The following PTPRR variants were observed in gnomAD, a reference collection of about 807,000 sequenced individuals.
The protein encoded by PTPRR is receptor-type tyrosine-protein phosphatase R.
In PTPRR, 38 loss-of-function variants were observed where a neutral mutation model predicts 77.2. The ratio of observed to expected loss-of-function variants is 0.49; its 90% CI spans 0.38 to 0.65. The LOEUF is 0.65. Among genes scored for constraint, PTPRR ranks in the 30% least tolerant of loss-of-function variants. The probability of loss-of-function intolerance (pLI) is 0.00; values close to 1 mark genes in which losing one functional copy is unlikely to be tolerated. For synonymous variants in PTPRR, 299 were observed against 283.1 expected (o/e 1.06, Z -0.57); for missense variants, 744 against 799.2 (o/e 0.93, Z 0.83).
intron 8 of PTPRR, among the ~76,000 whole-genome samples, chr12:70,694,702 C>T (rs1259107553): frequency 6.6e-6 from 1 of 152,074 alleles, no homozygotes; most frequent in African/African-American, 2.4e-5. Flanking sequence ...CTATTGGGTA[C>T]TATGTTCACT....
intron 10 of PTPRR, among the ~76,000 whole-genome samples, chr12:70,664,138 A>G (rs1886894361): frequency 6.6e-6 from 1 of 152,220 alleles, no homozygotes; most frequent in African/African-American, 2.4e-5. Flanking sequence ...TTCTAAATGA[A>G]GTAAATTGTT....
intron 2 of PTPRR, among the ~76,000 whole-genome samples, chr12:70,856,887 C>T (rs1337338109): frequency 6.6e-6 from 1 of 151,680 alleles, no homozygotes; most frequent in Non-Finnish European, 1.5e-5. Context: ...ACTTGGTACT[C>T]TATATGCCTA....
intron 10 of PTPRR, among the ~76,000 whole-genome samples, chr12:70,679,470 C>A (rs540923639): frequency 2.6e-5 from 4 of 152,240 alleles, no homozygotes; most frequent in South Asian, 4.2e-4. Flanking sequence ...CTGTCCATTG[C>A]TGAGAGTGGG....
intron 2 of PTPRR, among the ~76,000 whole-genome samples, chr12:70,783,505 G>A (rs1387222448): frequency 1.3e-5 from 2 of 152,072 alleles, no homozygotes; most frequent in African/African-American, 2.4e-5. Flanking sequence ...GCTGGTTGTT[G>A]CCTCTCCCTC....
intron 2 of PTPRR, among the ~76,000 whole-genome samples, chr12:70,859,299 C>G (rs1211987398): frequency 6.6e-6 from 1 of 151,980 alleles, no homozygotes; most frequent in Non-Finnish European, 1.5e-5. Context: ...GGGCTGCACC[C>G]CTCAAAGATA....
In PTPRR at chr12:70,916,456, A is replaced by G. The variant is rs1238134743; in HGVS notation, c.58+3877T>C. On this transcript the variant is annotated intron_variant, in intron 1 of 13. Transcript: ENST00000283228. ...AGGAAAAACAAATTCTGGAGTTCTAAGGAACATCTTAAAATCTTAAAATAT... is the reference window on the plus strand; with the variant it reads ...AGGAAAAACAAATTCTGGAGTTCTAGGGAACATCTTAAAATCTTAAAATAT... Among the ~76,000 whole-genome samples the G allele has an allele frequency of 3.3e-5, 5 of 152,312 alleles. No homozygotes were observed. In the East Asian group the frequency reaches 9.6e-4, roughly 29 times the overall value.
chr12:70,789,915 C>A (rs1567747), intron 2 of PTPRR, among the ~76,000 whole-genome samples: 72 of 152,122 alleles, frequency 4.7e-4, no homozygotes, highest in African/African-American at 1.7e-3. Flanking sequence ...ATGATCTCAA[C>A]GAATAAAAAA....
At chr12:70,748,450 G>A (rs1701757663) in intron 5 of PTPRR, among the ~76,000 whole-genome samples, 1 of 152,104 alleles carries the variant, frequency 6.6e-6, no homozygotes. Flanking sequence ...CAACCTAAAA[G>A]CTTACCGTAG....
intron 2 of PTPRR, among the ~76,000 whole-genome samples, chr12:70,789,325 T>C (rs932898089): frequency 3.9e-5 from 6 of 152,072 alleles, no homozygotes; most frequent in African/African-American, 1.4e-4. Context: ...CATAAATTTC[T>C]TTTCAAAGTT....
intron 1 of PTPRR, among the ~76,000 whole-genome samples, chr12:70,907,505 A>T (rs1893639678): frequency 6.6e-6 from 1 of 152,194 alleles, no homozygotes; most frequent in South Asian, 2.1e-4. Context: ...CCGTTTCAGG[A>T]AAAATCCATT....
intron 7 of PTPRR, 39 bp from the exon 8 acceptor site, chr12:70,698,388 C>T: frequency 6.5e-7 from 1 of 1,547,386 alleles, no homozygotes; most frequent in Non-Finnish European, 8.9e-7. Flanking sequence ...GTATCTAATA[C>T]TGCCACAAAG....
intron 2 of PTPRR, among the ~76,000 whole-genome samples, chr12:70,805,844 C>A (rs2137025273): frequency 6.6e-6 from 1 of 152,250 alleles, no homozygotes; most frequent in East Asian, 1.9e-4. Context: ...CAGTTTGACT[C>A]CAGAGCCTAT....
chr12:70,647,024 G>A (rs1326528134), intron 13 of PTPRR, among the ~76,000 whole-genome samples: 1 of 152,088 alleles, frequency 6.6e-6, no homozygotes, highest in Non-Finnish European at 1.5e-5. Context: ...CACATTGGAA[G>A]CATCTTTTTA....
chr12:70,702,986 A>G, intron 6 of PTPRR, among the ~76,000 whole-genome samples: 1 of 151,122 alleles, frequency 6.6e-6, no homozygotes, highest in East Asian at 1.9e-4. Context: ...TATTTATTAT[A>G]CCATTATTTT....
intron 2 of PTPRR, among the ~76,000 whole-genome samples, chr12:70,883,925 T>C (rs1272557129): frequency 3.3e-5 from 5 of 152,186 alleles, no homozygotes; most frequent in African/African-American, 1.2e-4. Flanking sequence ...AGTAATAGCT[T>C]ATTCTATTCT....
At chr12:70,702,152 CTCTCA>C (rs1348849795) in intron 6 of PTPRR, among the ~76,000 whole-genome samples, 1 of 152,072 alleles carries the variant, frequency 6.6e-6, no homozygotes, top group Non-Finnish European at 1.5e-5. Context: ...ATTTATCTTC[CTCTCA>C]TAATTCCCCT....
intron 6 of PTPRR, among the ~76,000 whole-genome samples, chr12:70,709,905 C>T (rs1888762222): frequency 6.6e-6 from 1 of 152,024 alleles, no homozygotes; most frequent in Non-Finnish European, 1.5e-5. Flanking sequence ...ATTAAAATGG[C>T]CATACTACCC....
rs184025793 is a variant in PTPRR, at chr12:70,673,185, T to C, written c.1498-10580A>G. Among the ~76,000 whole-genome samples the C allele has an allele frequency of 4.6e-5, 7 of 152,294 alleles. No individual in the cohort carries two copies. In the East Asian group the frequency reaches 7.7e-4, roughly 17 times the overall value. Reference sequence around the variant, plus strand: ...TTAATAATTGCTCACATCATCCCTATTGGATTTCTTTAAAATATGTCACAT... The same window carrying C: ...TTAATAATTGCTCACATCATCCCTACTGGATTTCTTTAAAATATGTCACAT... On this transcript the variant is annotated intron_variant, in intron 10 of 13. Transcript: ENST00000283228.
chr12:70,814,685 G>T (rs1424684026), intron 2 of PTPRR, among the ~76,000 whole-genome samples: 1 of 152,150 alleles, frequency 6.6e-6, no homozygotes, highest in Non-Finnish European at 1.5e-5. Context: ...ATGCCTTCAA[G>T]ACATGAAAAC....
Sources: gnomAD v4.1 joint callset for allele counts (sites outside exome capture counted in the v4.1 genomes callset) on GRCh38, gnomAD v4.1.1 for gene constraint, MANE v1.5 for transcripts, NCBI Gene and HGNC (gene_info 2026-07-23, HGNC 2026-07-21) for gene names.